Variants in SRBD1 observed in about 807,000 individuals in gnomAD.
SRBD1 encodes the protein S1 RNA-binding domain-containing protein 1.
SRBD1 carries 88 observed loss-of-function variants against 115.3 expected under a neutral mutation model. That is an observed-to-expected ratio of 0.76 (90% CI 0.64 to 0.91). SRBD1 has a LOEUF of 0.91. Ranked by LOEUF, SRBD1 falls within the 40% of genes least tolerant of loss-of-function variation. The pLI is 0.00. For synonymous variants in SRBD1, 509 were observed against 407.7 expected (o/e 1.25, Z -2.99); for missense variants, 1,385 against 1,177.4 (o/e 1.18, Z -2.58).
At chr2:45,475,545 T>A (rs537009514) in intron 16 of SRBD1, among the ~76,000 whole-genome samples, 45 of 152,324 alleles carry the variant, frequency 3.0e-4, no homozygotes, top group Middle Eastern at 3.4e-3. Context: ...TACTTAAAGA[T>A]CTCTTTGAAG....
chr2:45,396,574 CAA>C, intron 19 of SRBD1, among the ~76,000 whole-genome samples: 1 of 152,268 alleles, frequency 6.6e-6, no homozygotes, highest in African/African-American at 2.4e-5. Context: ...CACATCTGCA[CAA>C]AGTTAAAATA....
intron 19 of SRBD1, among the ~76,000 whole-genome samples, chr2:45,405,093 T>C (rs974265957): frequency 3.8e-4 from 58 of 152,202 alleles, no homozygotes; most frequent in African/African-American, 1.4e-3. Context: ...TACTCTGCTC[T>C]TTCCCTGTTT....
At position 45,595,619 on chromosome 2, in the gene SRBD1, G is replaced by A. The variant is rs149925452; in HGVS notation, c.648+3830C>T. On this transcript the variant is annotated intron_variant, in intron 4 of 20. Coordinates refer to ENST00000263736, the MANE Select transcript of SRBD1 (RefSeq NM_018079.5). ...AACATCTACCCCTGTTCTCAACCAT[G>A]TTTACAAGCAGGAATACAGTTTTAA... is the stretch of plus-strand genomic sequence containing the variant. Among the ~76,000 whole-genome samples, 26 of 152,256 alleles carry A rather than the reference G, an allele frequency of 1.7e-4. 1 individual carries two copies. Among genetic ancestry groups the A allele is most frequent in the African/African-American group, 6.3e-4 (26 of 41,532 alleles).
chr2:45,481,329 C>G (rs1273852876), intron 15 of SRBD1, among the ~76,000 whole-genome samples: 1 of 152,026 alleles, frequency 6.6e-6, no homozygotes, highest in Admixed American at 6.6e-5. Context: ...AGTAATAATG[C>G]AGAGCTCGAG....
At chr2:45,405,667 G>A (rs1056584777) in intron 19 of SRBD1, among the ~76,000 whole-genome samples, 2 of 152,116 alleles carry the variant, frequency 1.3e-5, no homozygotes, top group African/African-American at 4.8e-5. Flanking sequence ...CATCTACAGG[G>A]CCAGAGGAGA....
intron 16 of SRBD1, among the ~76,000 whole-genome samples, chr2:45,453,800 G>C (rs1009106992): frequency 3.8e-4 from 58 of 151,804 alleles, no homozygotes; most frequent in African/African-American, 1.4e-3. Context: ...TAGAGAAAAA[G>C]TTCTGGGTTA....
At chr2:45,610,407 T>C (rs1341911741) in intron 1 of SRBD1, among the ~76,000 whole-genome samples, 1 of 152,064 alleles carries the variant, frequency 6.6e-6, no homozygotes, top group Non-Finnish European at 1.5e-5. Context: ...AAAAACAAAA[T>C]ACTAGAGCTG....
chr2:45,571,916 A>G (rs1673031628), intron 9 of SRBD1, among the ~76,000 whole-genome samples: 1 of 152,124 alleles, frequency 6.6e-6, no homozygotes, highest in Non-Finnish European at 1.5e-5. Flanking sequence ...TACTCTCTAC[A>G]TATAATGGGA....
At chr2:45,562,867 A>G (rs112577297) in intron 9 of SRBD1, 111 bp from the exon 10 acceptor site, 17 of 622,108 alleles carry the variant, frequency 2.7e-5, no homozygotes, top group African/African-American at 2.1e-4. Context: ...TTAAACAAGA[A>G]TACATTTTAA....
At chr2:45,581,193 T>C (rs750998841) in intron 6 of SRBD1, among the ~76,000 whole-genome samples, 2 of 152,182 alleles carry the variant, frequency 1.3e-5, no homozygotes, top group Non-Finnish European at 2.9e-5. Context: ...TTCCCTGCTG[T>C]TCCAGGGCAC....
At position 45,560,732 on chromosome 2, in the gene SRBD1, C is replaced by T. The variant is rs1672635361; in HGVS notation, c.1409+1921G>A. Among the ~76,000 whole-genome samples, 2 of 152,088 alleles carry T rather than the reference C, an allele frequency of 1.3e-5. 1 individual carries two copies. The highest frequency in any genetic ancestry group is 4.1e-4 in the South Asian group (2 of 4,832). On this transcript the variant is annotated intron_variant, in intron 10 of 20. Transcript: ENST00000263736. ...TAATTTCCTAATTTTTTAAATCTAG[C>T]ATTTCTTTTAGGCATACATTTCCTC... is the stretch of plus-strand genomic sequence containing the variant.
intron 14 of SRBD1, among the ~76,000 whole-genome samples, chr2:45,531,725 G>GA: frequency 6.6e-6 from 1 of 151,870 alleles, no homozygotes; most frequent in Non-Finnish European, 1.5e-5. Flanking sequence ...GCCTAGAACA[G>GA]ACAACAGCCT....
chr2:45,421,473 C>T (rs1190134113), intron 16 of SRBD1, among the ~76,000 whole-genome samples: 1 of 125,118 alleles, frequency 8.0e-6, no homozygotes, highest in Admixed American at 1.0e-4. Flanking sequence ...TGCCACTGCA[C>T]TCCAGCCTGG....
At position 45,472,439 on chromosome 2, in the gene SRBD1, T is replaced by C. The variant is rs532653927; in HGVS notation, c.2049+4554A>G. 2.0e-5 allele frequency among the ~76,000 whole-genome samples: 3 copies of C among 152,334 alleles called. No homozygotes were observed. In the South Asian group the frequency reaches 6.2e-4, roughly 32 times the overall value. ...GACTTGTACATTTTAAATCAATGAA[T>C]TGTATGATGTGCAATTATGAACCAA... On this transcript the variant is annotated intron_variant, in intron 16 of 20. Coordinates refer to ENST00000263736, the MANE Select transcript of SRBD1 (RefSeq NM_018079.5).
chr2:45,414,787 T>TAGTGTGTATATAGTATGTACACACAC (rs1558563525), intron 18 of SRBD1, among the ~76,000 whole-genome samples: 10 of 64,004 alleles, frequency 1.6e-4, no homozygotes, highest in African/African-American at 3.6e-4. Flanking sequence ...CACACACACA[T>TAGTGTGTATATAGTATGTACACACAC]AGTGTGTATA....
intron 16 of SRBD1, among the ~76,000 whole-genome samples, chr2:45,451,570 G>A (rs1292495443): frequency 6.6e-6 from 1 of 151,902 alleles, no homozygotes; most frequent in Admixed American, 6.6e-5. Context: ...CAGAAGATCT[G>A]CCGGCATACA....
chr2:45,538,556 T>A (rs1671836756), intron 14 of SRBD1, among the ~76,000 whole-genome samples: 1 of 152,240 alleles, frequency 6.6e-6, no homozygotes, highest in African/African-American at 2.4e-5. Flanking sequence ...CAGAAGATAT[T>A]TCAACTGCTG....
In SRBD1 at chr2:45,599,894, C is replaced by G. The variant is rs1674039120; in HGVS notation, c.262-59G>C. 4.0e-6 allele frequency: 6 copies of G among 1,502,588 alleles called. No homozygotes were observed. In the South Asian group the frequency reaches 7.8e-5, roughly 20 times the overall value. 93.1% of individuals were successfully genotyped at this position (1,502,588 alleles called of 1,614,324 possible). A position where few individuals can be genotyped will look rare whatever the true frequency, so the allele number is the denominator to read the frequency against. On this transcript the variant is annotated intron_variant, in intron 3 of 20. Transcript: ENST00000263736. Reference sequence around the variant, plus strand: ...GAAGATAAAAAGCAATTTCCTGGGACTATTACTCACAAATAAAAGTGAACA... The same window carrying G: ...GAAGATAAAAAGCAATTTCCTGGGAGTATTACTCACAAATAAAAGTGAACA...
chr2:45,524,411 C>T (rs1671379029), intron 14 of SRBD1, among the ~76,000 whole-genome samples: 1 of 151,872 alleles, frequency 6.6e-6, no homozygotes, highest in Non-Finnish European at 1.5e-5. Context: ...CCTAAGAAAT[C>T]CACTAAAAAC....
Sources: gnomAD v4.1 joint callset for allele counts (sites outside exome capture counted in the v4.1 genomes callset) on GRCh38, gnomAD v4.1.1 for gene constraint, MANE v1.5 for transcripts, NCBI Gene and HGNC (gene_info 2026-07-23, HGNC 2026-07-21) for gene names.